Variants in DLG2 observed in about 807,000 individuals in gnomAD.
DLG2 encodes discs large MAGUK scaffold protein 2.
Under a neutral mutation model 132.5 loss-of-function variants are expected in DLG2, and 45 were observed. That is an observed-to-expected ratio of 0.34 (90% CI 0.27 to 0.44). The LOEUF is 0.44. Ranked by LOEUF, DLG2 falls within the 20% of genes least tolerant of loss-of-function variation. DLG2 has a pLI of 1.00. For synonymous variants in DLG2, 424 were observed against 419.6 expected (o/e 1.01, Z -0.13); for missense variants, 1,045 against 1,196.9 (o/e 0.87, Z 1.87).
chr11:84,543,026 C>A (rs1323424514), intron 6 of DLG2, among the ~76,000 whole-genome samples: 1 of 152,150 alleles, frequency 6.6e-6, no homozygotes, highest in Non-Finnish European at 1.5e-5. Context: ...ATACCTACTG[C>A]ATCCTCACTC....
intron 6 of DLG2, among the ~76,000 whole-genome samples, chr11:84,559,777 C>T (rs929562846): frequency 4.6e-5 from 7 of 152,048 alleles, no homozygotes; most frequent in Non-Finnish European, 1.0e-4. Flanking sequence ...ATTTTATCTT[C>T]TTGGGTTTAG....
At chr11:83,719,584 G>A (rs938136383) in intron 18 of DLG2, among the ~76,000 whole-genome samples, 35 of 152,236 alleles carry the variant, frequency 2.3e-4, no homozygotes, top group African/African-American at 8.2e-4. Flanking sequence ...AAGAGGCAAG[G>A]TGGAAGTAGG....
At chr11:85,286,874 C>T (rs1409046919) in intron 3 of DLG2, among the ~76,000 whole-genome samples, 1 of 152,000 alleles carries the variant, frequency 6.6e-6, no homozygotes, top group Non-Finnish European at 1.5e-5. Flanking sequence ...CATCTTATAG[C>T]CCCAGCAAAT....
chr11:85,261,662 T>C (rs976543486), intron 4 of DLG2, among the ~76,000 whole-genome samples: 1 of 152,122 alleles, frequency 6.6e-6, no homozygotes, highest in East Asian at 1.9e-4. Flanking sequence ...GTAGCAGGCA[T>C]CATTGGGAAG....
chr11:85,559,705 T>G (rs2077122651), intron 3 of DLG2, among the ~76,000 whole-genome samples: 1 of 151,612 alleles, frequency 6.6e-6, no homozygotes, highest in Non-Finnish European at 1.5e-5. Flanking sequence ...AAAAAAAAAT[T>G]TAAGCACTGA....
chr11:83,678,587 T>C (rs558097323), intron 18 of DLG2, among the ~76,000 whole-genome samples: 5 of 152,080 alleles, frequency 3.3e-5, no homozygotes, highest in Admixed American at 2.6e-4. Flanking sequence ...GGGCAACGGG[T>C]TGGGGAGGCA....
At chr11:83,970,678 T>C (rs1443952590) in intron 12 of DLG2, among the ~76,000 whole-genome samples, 1 of 152,202 alleles carries the variant, frequency 6.6e-6, no homozygotes, top group Non-Finnish European at 1.5e-5. Context: ...TGATAGCAGT[T>C]ACTGCTTCAA....
chr11:85,037,234 T>C (rs2154147427), intron 6 of DLG2, among the ~76,000 whole-genome samples: 1 of 152,302 alleles, frequency 6.6e-6, no homozygotes, highest in African/African-American at 2.4e-5. Flanking sequence ...CATCATATCG[T>C]CACAGTCTCC....
At chr11:84,054,281 T>C (rs2096458681) in intron 11 of DLG2, among the ~76,000 whole-genome samples, 1 of 152,080 alleles carries the variant, frequency 6.6e-6, no homozygotes, top group South Asian at 2.1e-4. Flanking sequence ...TTGGAAGTTA[T>C]GATTTAATGT....
chr11:84,786,588 A>G (rs2072936351), intron 6 of DLG2, among the ~76,000 whole-genome samples: 1 of 152,150 alleles, frequency 6.6e-6, no homozygotes. Context: ...TCATGTAAAC[A>G]CTGGCTTCCC....
At chr11:84,815,301 G>T (rs1340612194) in intron 6 of DLG2, among the ~76,000 whole-genome samples, 2 of 152,072 alleles carry the variant, frequency 1.3e-5, no homozygotes, top group African/African-American at 4.8e-5. Flanking sequence ...GAAACTAGAA[G>T]AAATTGTGAG....
chr11:84,088,433 C>T (rs183447542), intron 10 of DLG2, among the ~76,000 whole-genome samples: 2 of 151,470 alleles, frequency 1.3e-5, no homozygotes, highest in East Asian at 1.9e-4. Flanking sequence ...ATTAATATTT[C>T]GGTCAACTCA....
chr11:85,053,632 CA>C (rs574119257), intron 6 of DLG2, among the ~76,000 whole-genome samples: 276 of 91,160 alleles, frequency 3.0e-3, no homozygotes, highest in East Asian at 7.6e-3. Flanking sequence ...ACTAAAAATA[CA>C]AAAAAAAAAA....
intron 5 of DLG2, chr11:85,133,063 G>T: frequency 2.9e-6 from 1 of 339,626 alleles, no homozygotes. Flanking sequence ...TGGCTGCATG[G>T]TCTTTTAGCG....
chr11:84,724,221 T>C (rs903390944), intron 6 of DLG2, among the ~76,000 whole-genome samples: 2 of 152,154 alleles, frequency 1.3e-5, no homozygotes, highest in Admixed American at 6.5e-5. Flanking sequence ...ATAGGTATAC[T>C]AGATTATTTC....
At chr11:84,994,172 A>C (rs746780928) in intron 6 of DLG2, among the ~76,000 whole-genome samples, 49 of 152,238 alleles carry the variant, frequency 3.2e-4, no homozygotes, top group Non-Finnish European at 6.3e-4. Context: ...AACAATATGT[A>C]GTCCAGGTTT....
At chr11:85,337,990 A>T (rs2152852841) in intron 3 of DLG2, among the ~76,000 whole-genome samples, 1 of 152,378 alleles carries the variant, frequency 6.6e-6, no homozygotes, top group Admixed American at 6.5e-5. Context: ...GGTGGAAGAT[A>T]GTGCTAATAT....
At chr11:84,823,966 G>A (rs1566062766) in intron 6 of DLG2, among the ~76,000 whole-genome samples, 1 of 151,868 alleles carries the variant, frequency 6.6e-6, no homozygotes, top group Non-Finnish European at 1.5e-5. Context: ...TATGTTCTAG[G>A]CATTGTGAGA....
chr11:83,633,187 A>T (rs1416022384), intron 19 of DLG2, 24 bp downstream of exon 19: 2 of 1,603,638 alleles, frequency 1.2e-6, no homozygotes, highest in Admixed American at 3.3e-5. Flanking sequence ...CAAAGTGCAG[A>T]TAGAGAAATA....
Sources: gnomAD v4.1 joint callset for allele counts (sites outside exome capture counted in the v4.1 genomes callset) on GRCh38, gnomAD v4.1.1 for gene constraint, MANE v1.5 for transcripts, NCBI Gene and HGNC (gene_info 2026-07-23, HGNC 2026-07-21) for gene names.